The following TMEM135 variants were observed in gnomAD, a reference collection of about 807,000 sequenced individuals.
TMEM135 encodes the protein peroxisomal membrane protein 52.
TMEM135 carries 30 observed loss-of-function variants against 60.3 expected under a neutral mutation model. That is an observed-to-expected ratio of 0.50 (90% CI 0.37 to 0.68). The LOEUF (loss-of-function observed/expected upper bound fraction) is 0.68, where lower values mean the gene tolerates loss of function less well. Among genes scored for constraint, TMEM135 ranks in the 30% least tolerant of loss-of-function variants. The pLI is 0.00. For synonymous variants in TMEM135, 190 were observed against 186.7 expected, an observed-to-expected ratio of 1.02 and a Z score of -0.14; for missense variants, 468 against 548.8, an observed-to-expected ratio of 0.85 and a Z score of 1.47.
chr11:87,160,080 T>C (rs997882068), intron 5 of TMEM135, among the ~76,000 whole-genome samples: 1 of 152,114 alleles, frequency 6.6e-6, no homozygotes, highest in African/African-American at 2.4e-5. Flanking sequence ...TCATGACAAG[T>C]GTATCAGGTA....
At chr11:87,119,888 A>ATT (rs1857998726) in intron 4 of TMEM135, among the ~76,000 whole-genome samples, 1 of 151,744 alleles carries the variant, frequency 6.6e-6, no homozygotes. Context: ...ACTTTTTTAA[A>ATT]AAAAAAAAAA....
chr11:87,305,002 A>G (rs1421153528), intron 8 of TMEM135, among the ~76,000 whole-genome samples: 1 of 152,208 alleles, frequency 6.6e-6, no homozygotes, highest in Admixed American at 6.5e-5. Context: ...TTTATTAAAC[A>G]CTGGAGGGTT....
intron 4 of TMEM135, among the ~76,000 whole-genome samples, chr11:87,139,165 TC>T (rs1938195646): frequency 6.6e-6 from 1 of 152,168 alleles, no homozygotes; most frequent in Non-Finnish European, 1.5e-5. Flanking sequence ...TCTGTGTCCT[TC>T]CTAAAAAATT....
chr11:87,250,597 G>T lies in TMEM135; in HGVS notation c.509+13913G>T, dbSNP rs141295239. Among the ~76,000 whole-genome samples the T allele has an allele frequency of 1.7e-4, 26 of 151,934 alleles. No homozygotes were observed. In the East Asian group the frequency reaches 5.0e-3, roughly 29 times the overall value. On this transcript the variant is annotated intron_variant, in intron 6 of 14. Coordinates refer to ENST00000305494, the MANE Select transcript of TMEM135 (RefSeq NM_022918.4). Reference sequence around the variant, plus strand: ...AGTTTCCAAAGTTTCCTTTGTTATTGACTTCTAATTTTTTTCCGTTCTGGT... The same window carrying T: ...AGTTTCCAAAGTTTCCTTTGTTATTTACTTCTAATTTTTTTCCGTTCTGGT...
chr11:87,246,758 T>C (rs560229792), intron 6 of TMEM135, among the ~76,000 whole-genome samples: 154 of 125,992 alleles, frequency 1.2e-3, no homozygotes, highest in African/African-American at 4.5e-3. Context: ...TTCGTCTAAA[T>C]TTTTTTCAAA....
chr11:87,096,957 G>A (rs1008197387), intron 4 of TMEM135, among the ~76,000 whole-genome samples: 7 of 150,588 alleles, frequency 4.6e-5, no homozygotes, highest in Non-Finnish European at 8.8e-5. Flanking sequence ...CATTGACGGG[G>A]TAAGTTGGCA....
rs1942847077 is a variant in TMEM135, at chr11:87,322,819, G to A, written c.*1486G>A. The A allele has an allele frequency of 2.2e-6, 1 of 454,232 alleles. No individual in the cohort carries two copies. Among genetic ancestry groups the A allele is most frequent in the African/African-American group, 2.0e-5 (1 of 49,970 alleles). 28.1% of individuals were successfully genotyped at this position (454,232 alleles called of 1,614,324 possible). A position where few individuals can be genotyped will look rare whatever the true frequency, so the allele number is the denominator to read the frequency against. The stretch of plus-strand genomic sequence containing the variant: ...CAGACTCTGGTACTATGGTAACAGA[G>A]CCACTTTATCATTTGGTCAAAATTT... On this transcript the variant is annotated 3_prime_UTR_variant, in exon 15 of 15. Coordinates refer to ENST00000305494, the MANE Select transcript of TMEM135 (RefSeq NM_022918.4).
chr11:87,313,354 G>C (rs1234800184), intron 10 of TMEM135, 71 bp from the exon 11 acceptor site: 1 of 1,274,890 alleles, frequency 7.8e-7, no homozygotes. Context: ...ATTCATTATA[G>C]TTGTTTTTGT....
At chr11:87,093,111 A>C (rs1044121595) in intron 4 of TMEM135, among the ~76,000 whole-genome samples, 10 of 152,114 alleles carry the variant, frequency 6.6e-5, no homozygotes, top group Non-Finnish European at 1.3e-4. Context: ...ATATTTTCTT[A>C]ATCACTCTTT....
intron 11 of TMEM135, among the ~76,000 whole-genome samples, chr11:87,313,855 T>C (rs1942681894): frequency 6.6e-6 from 1 of 151,842 alleles, no homozygotes; most frequent in African/African-American, 2.4e-5. Context: ...GTGACCTATA[T>C]TTTCATAATA....
intron 4 of TMEM135, among the ~76,000 whole-genome samples, chr11:87,134,415 G>T (rs1232256236): frequency 1.3e-5 from 2 of 152,166 alleles, no homozygotes; most frequent in African/African-American, 4.8e-5. Flanking sequence ...TTTTTGGTGG[G>T]TTGGGGTGCA....
intron 4 of TMEM135, among the ~76,000 whole-genome samples, chr11:87,103,699 C>T (rs1367187675): frequency 1.3e-5 from 2 of 151,930 alleles, no homozygotes; most frequent in Non-Finnish European, 2.9e-5. Flanking sequence ...CGCTCTGTCA[C>T]TCAGGCTGGA....
intron 4 of TMEM135, among the ~76,000 whole-genome samples, chr11:87,129,663 C>A (rs1054403753): frequency 6.6e-6 from 1 of 150,858 alleles, no homozygotes; most frequent in Non-Finnish European, 1.5e-5. Context: ...GCCTCAGTTT[C>A]TTGAGTAGCT....
At chr11:87,053,768 A>C (rs1254099986) in intron 1 of TMEM135, among the ~76,000 whole-genome samples, 2 of 152,198 alleles carry the variant, frequency 1.3e-5, no homozygotes, top group Non-Finnish European at 2.9e-5. Flanking sequence ...TATATACATA[A>C]TATAGTACTG....
chr11:87,232,486 A>AT (rs57697510), intron 5 of TMEM135, among the ~76,000 whole-genome samples: 9,905 of 152,232 alleles, frequency 0.065, 347 homozygotes, highest in African/African-American at 0.087. Context: ...GCACATCATA[A>AT]CAAATTGTGA....
At chr11:87,214,947 G>A (rs1591109680) in intron 5 of TMEM135, among the ~76,000 whole-genome samples, 1 of 151,990 alleles carries the variant, frequency 6.6e-6, no homozygotes, top group East Asian at 1.9e-4. Context: ...ATGAAGTATG[G>A]GTGCTAAATA....
chr11:87,264,309 T>TC (rs1344300636), intron 6 of TMEM135, among the ~76,000 whole-genome samples: 2 of 151,206 alleles, frequency 1.3e-5, no homozygotes, highest in Non-Finnish European at 3.0e-5. Flanking sequence ...TTCTTTTTCT[T>TC]TTCTTTTTTT....
In TMEM135 at chr11:87,188,873, T is replaced by C. The variant is rs145589281; in HGVS notation, c.462+31467T>C. Among the ~76,000 whole-genome samples, 5 of 152,328 alleles carry C rather than the reference T, an allele frequency of 3.3e-5. No homozygotes were observed. The East Asian group carries it at 9.6e-4, about 29-fold the overall frequency. On this transcript the variant is annotated intron_variant, in intron 5 of 14. Coordinates refer to ENST00000305494, the MANE Select transcript of TMEM135 (RefSeq NM_022918.4). ...TGGTTTGATGTATCCTTGACTGTTTTGTATTCATCTTCACATAAATGCATA... is the reference window on the plus strand; with the variant it reads ...TGGTTTGATGTATCCTTGACTGTTTCGTATTCATCTTCACATAAATGCATA...
chr11:87,173,488 A>C (rs1185165303), intron 5 of TMEM135, among the ~76,000 whole-genome samples: 2 of 152,198 alleles, frequency 1.3e-5, no homozygotes, highest in Non-Finnish European at 2.9e-5. Flanking sequence ...CCTGCTACTT[A>C]GGACCTTGCC....
Sources: allele counts gnomAD v4.1 joint callset (sites outside exome capture counted in the v4.1 genomes callset), GRCh38; gene constraint gnomAD v4.1.1; transcripts MANE v1.5; gene names NCBI Gene and HGNC (gene_info 2026-07-23, HGNC 2026-07-21).